HPSE2: variants seen among roughly 807,000 people sequenced by gnomAD.
HPSE2 encodes heparanase 2 (inactive).
A neutral mutation model predicts 60.5 loss-of-function variants in HPSE2; 38 were observed. The ratio of observed to expected loss-of-function variants is 0.63; its 90% CI spans 0.48 to 0.82. The LOEUF (loss-of-function observed/expected upper bound fraction) is 0.82. HPSE2 is among the 40% of genes least tolerant of loss of function. The probability of loss-of-function intolerance (pLI) is 0.00; values close to 1 mark genes in which losing one functional copy is unlikely to be tolerated. For synonymous variants in HPSE2, 295 were observed against 293.2 expected, an observed-to-expected ratio of 1.01 and a Z score of -0.06; for missense variants, 713 against 740.4, an observed-to-expected ratio of 0.96 and a Z score of 0.43.
rs146496788 is a variant in HPSE2, at chr10:99,162,033, G to C, written c.449-17634C>G. Reference sequence around the variant, plus strand: ...GGTTGACAGAGGCTGAGGAGAATGGGTATGAAGAGTTATTTTTTAATAGGT... The same window carrying C: ...GGTTGACAGAGGCTGAGGAGAATGGCTATGAAGAGTTATTTTTTAATAGGT... On this transcript the variant is annotated intron_variant, in intron 2 of 11. Transcript: ENST00000370552. 6.5e-3 allele frequency among the ~76,000 whole-genome samples: 993 copies of C among 152,212 alleles called. 5 individuals carry two copies. Among genetic ancestry groups the C allele is most frequent in the Non-Finnish European group, 8.5e-3 (580 of 67,996 alleles).
At chr10:99,254,718 G>A in the HPSE2 span, among the ~76,000 whole-genome samples, 20 of 152,248 alleles carry the variant, frequency 1.3e-4, no homozygotes, top group Non-Finnish European at 2.6e-4. Flanking sequence ...CCTTACAATG[G>A]AATACTATCT....
intron 3 of HPSE2, among the ~76,000 whole-genome samples, chr10:98,756,373 A>G (rs899870873): frequency 6.6e-6 from 1 of 152,188 alleles, no homozygotes; most frequent in African/African-American, 2.4e-5. Context: ...CAAAATATCA[A>G]TAAAACTAAA....
intron 2 of HPSE2, among the ~76,000 whole-genome samples, chr10:99,160,072 C>T (rs1221837882): frequency 5.4e-5 from 8 of 149,298 alleles, no homozygotes; most frequent in East Asian, 2.0e-4. Context: ...ACCTGGGAGG[C>T]GAAGGTTGCA....
At chr10:98,626,867 G>C (rs1268231156) in intron 7 of HPSE2, among the ~76,000 whole-genome samples, 1 of 151,866 alleles carries the variant, frequency 6.6e-6, no homozygotes, top group East Asian at 1.9e-4. Flanking sequence ...TCCCCCTCCT[G>C]GGTTCACGCC....
chr10:98,892,597 C>A (rs1953367450), intron 3 of HPSE2, among the ~76,000 whole-genome samples: 1 of 152,100 alleles, frequency 6.6e-6, no homozygotes, highest in South Asian at 2.1e-4. Flanking sequence ...TCTTTAGGAA[C>A]AAAAAAGATG....
chr10:98,641,921 C>T lies in HPSE2; in HGVS notation c.1024G>A (p.Val342Met). 6.2e-7 allele frequency: 1 copy of T among 1,613,634 alleles called. No homozygotes were observed. The highest frequency in any genetic ancestry group is 8.5e-7 in the Non-Finnish European group (1 of 1,179,698). ...TTCAGGAAGTCCATCACCTTGACCA[C>T]CCGGCCATCAATGTAGCAACTGGAA... The part of the protein sequence containing the change: ...TWQHCYIDGR[V>M]VKVMDFLKTR... The change falls in exon 7 of 12, where the codon GTG (valine) becomes ATG (methionine). Residue 342 changes from valine (V) to methionine (M), a missense_variant. Coordinates refer to ENST00000370552, the MANE Select transcript of HPSE2 (RefSeq NM_021828.5).
At chr10:98,807,740 T>C (rs1269119736) in intron 3 of HPSE2, among the ~76,000 whole-genome samples, 2 of 152,224 alleles carry the variant, frequency 1.3e-5, no homozygotes, top group East Asian at 3.8e-4. Context: ...CTAAATGATA[T>C]AAATGTAATA....
At chr10:99,032,858 T>C (rs1341162919) in intron 3 of HPSE2, among the ~76,000 whole-genome samples, 2 of 152,186 alleles carry the variant, frequency 1.3e-5, no homozygotes, top group Non-Finnish European at 2.9e-5. Flanking sequence ...TCATATCACA[T>C]CTAATCTCTC....
chr10:99,251,637 C>G, the HPSE2 span, among the ~76,000 whole-genome samples: 1 of 52,188 alleles, frequency 1.9e-5, no homozygotes, highest in Admixed American at 2.3e-4. Context: ...AGCTAATTCA[C>G]CATGATCACA....
intron 3 of HPSE2, among the ~76,000 whole-genome samples, chr10:98,834,441 A>G (rs1044644945): frequency 6.6e-6 from 1 of 152,188 alleles, no homozygotes; most frequent in African/African-American, 2.4e-5. Flanking sequence ...CCAGTAAATG[A>G]GGGGAAGCAG....
intron 9 of HPSE2, among the ~76,000 whole-genome samples, chr10:98,540,591 A>G (rs540873129): frequency 1.6e-4 from 24 of 152,374 alleles, no homozygotes; most frequent in African/African-American, 5.0e-4. Context: ...TGAAAAGAGA[A>G]CAGAATCCAG....
chr10:98,881,871 A>T (rs1279986532), intron 3 of HPSE2, among the ~76,000 whole-genome samples: 1 of 150,840 alleles, frequency 6.6e-6, no homozygotes, highest in Admixed American at 6.6e-5. Context: ...TTTAGTAAAT[A>T]TTCACTCCTC....
chr10:98,843,413 A>G (rs1261209866), intron 3 of HPSE2, among the ~76,000 whole-genome samples: 2 of 152,234 alleles, frequency 1.3e-5, no homozygotes, highest in Non-Finnish European at 2.9e-5. Flanking sequence ...GGATAATCCA[A>G]TATAGAACAC....
At chr10:98,492,984 C>T (rs1216585670) in intron 9 of HPSE2, among the ~76,000 whole-genome samples, 1 of 152,164 alleles carries the variant, frequency 6.6e-6, no homozygotes, top group Non-Finnish European at 1.5e-5. Context: ...ACTCTTCATT[C>T]CCCCTCCCCC....
chr10:99,122,295 A>C lies in HPSE2; in HGVS notation c.610+21943T>G, dbSNP rs76143675. ...TAAATAATAAAGTTATTTGCATTTA[A>C]ATCATGTGAAAAGCAGCTATCACCA... On this transcript the variant is annotated intron_variant, in intron 3 of 11. Coordinates refer to ENST00000370552, the MANE Select transcript of HPSE2 (RefSeq NM_021828.5). Among the ~76,000 whole-genome samples, 696 of 152,170 alleles carry C rather than the reference A, an allele frequency of 4.6e-3. 4 individuals carry two copies. The highest frequency in any genetic ancestry group is 0.016 in the African/African-American group (666 of 41,564).
At chr10:98,672,071 A>C (rs1211364002) in intron 6 of HPSE2, among the ~76,000 whole-genome samples, 1 of 152,216 alleles carries the variant, frequency 6.6e-6, no homozygotes, top group Non-Finnish European at 1.5e-5. Flanking sequence ...AATGTACATG[A>C]ATAAAAAATT....
chr10:98,551,741 C>CT (rs1415267470), intron 9 of HPSE2, among the ~76,000 whole-genome samples: 2 of 152,112 alleles, frequency 1.3e-5, no homozygotes, highest in East Asian at 3.9e-4. Context: ...CTAATAAATT[C>CT]TTTTTTTTCT....
At chr10:98,482,818 AAC>A (rs762382040) in intron 10 of HPSE2, 36 bp from the exon 11 acceptor site, 8 of 1,611,150 alleles carry the variant, frequency 5.0e-6, no homozygotes, top group Admixed American at 3.3e-5. Flanking sequence ...GAAAGATGGA[AAC>A]AAAGTGGTCA....
At chr10:98,514,135 A>G (rs1942512086) in intron 9 of HPSE2, among the ~76,000 whole-genome samples, 1 of 152,190 alleles carries the variant, frequency 6.6e-6, no homozygotes, top group East Asian at 1.9e-4. Context: ...TATAAAATAG[A>G]TGAACCTCGA....
Sources: allele counts gnomAD v4.1 joint callset (sites outside exome capture counted in the v4.1 genomes callset), GRCh38; gene constraint gnomAD v4.1.1; transcripts MANE v1.5; gene names NCBI Gene and HGNC (gene_info 2026-07-23, HGNC 2026-07-21).